The following CHCT1 variants were observed in gnomAD, a reference collection of about 807,000 sequenced individuals.
CHCT1 encodes the protein CHD1 helical C-terminal domain containing protein 1.
At chr17:60,422,113 T>C in the CHCT1 span, 33 of 288,904 alleles carry the variant, frequency 1.1e-4, no homozygotes, top group African/African-American at 7.4e-4. Flanking sequence ...CCCTTTCAGC[T>C]CTCCCTAGAC....
the CHCT1 span, chr17:60,425,706 T>G: frequency 9.1e-7 from 1 of 1,097,438 alleles, no homozygotes; most frequent in Non-Finnish European, 1.4e-6. Context: ...GGCTGCCATT[T>G]GGGTCAGTCC....
the CHCT1 span, chr17:60,426,675 C>A: frequency 1.3e-6 from 2 of 1,579,924 alleles, no homozygotes; most frequent in Non-Finnish European, 8.6e-7. Flanking sequence ...AGGGAGGAAG[C>A]GCTGTGCTCC....
the CHCT1 span, chr17:60,426,228 A>G: frequency 3.2e-6 from 5 of 1,551,770 alleles, no homozygotes; most frequent in African/African-American, 6.8e-5. Flanking sequence ...GACCTTCCCC[A>G]GAAGAAGAAG....
chr17:60,429,388 G>A, the CHCT1 span: 36 of 1,613,986 alleles, frequency 2.2e-5, no homozygotes, highest in African/African-American at 1.7e-4. Context: ...CGGATGCGCC[G>A]GAGAGGTCCT....
the CHCT1 span, among the ~76,000 whole-genome samples, chr17:60,424,348 TG>T: frequency 1.3e-5 from 2 of 152,066 alleles, no homozygotes; most frequent in Non-Finnish European, 2.9e-5. Flanking sequence ...GCCAAGTGAG[TG>T]AGTAAATGAA....
At chr17:60,422,462 C>G in the CHCT1 span, 96 of 1,521,746 alleles carry the variant, frequency 6.3e-5, no homozygotes, top group African/African-American at 1.1e-3. Context: ...TGGCGGTTGC[C>G]GTGGCTTTGC....
At chr17:60,425,654 A>G in the CHCT1 span, 1 of 649,486 alleles carries the variant, frequency 1.5e-6, no homozygotes, top group Admixed American at 2.7e-5. Context: ...ACTCACATCC[A>G]TGCTGGGTCA....
At chr17:60,428,489 T>C in the CHCT1 span, among the ~76,000 whole-genome samples, 1 of 151,694 alleles carries the variant, frequency 6.6e-6, no homozygotes, top group African/African-American at 2.4e-5. Context: ...GCCTGAATTT[T>C]TTTTTTTTTT....
chr17:60,427,261 G>C, the CHCT1 span, among the ~76,000 whole-genome samples: 1 of 152,120 alleles, frequency 6.6e-6, no homozygotes, highest in Non-Finnish European at 1.5e-5. Context: ...CAAATTATGG[G>C]GTGGTTATTT....
chr17:60,426,841 G>A, the CHCT1 span: 16 of 1,569,846 alleles, frequency 1.0e-5, no homozygotes, highest in Admixed American at 3.7e-5. Context: ...CATTCCGCCC[G>A]AGCACAGCTG....
At chr17:60,426,096 C>T in the CHCT1 span, 1 of 1,499,644 alleles carries the variant, frequency 6.7e-7, no homozygotes. Flanking sequence ...TGCTGGATAC[C>T]TGGGACTGCC....
chr17:60,425,730 C>T, the CHCT1 span: 10 of 1,374,004 alleles, frequency 7.3e-6, no homozygotes, highest in South Asian at 3.7e-5. Context: ...CCAGCACTGC[C>T]CCCAGGAGTA....
the CHCT1 span, among the ~76,000 whole-genome samples, chr17:60,427,503 C>T: frequency 1.3e-5 from 2 of 152,120 alleles, no homozygotes; most frequent in African/African-American, 2.4e-5. Context: ...CTGCAACCTC[C>T]GCCTCCTGGG....
chr17:60,422,404 C>A, the CHCT1 span: 9 of 1,428,424 alleles, frequency 6.3e-6, no homozygotes, highest in Non-Finnish European at 7.5e-6. Context: ...CTGCAGCCAC[C>A]CCTAAGAATG....
chr17:60,431,278 G>T, the CHCT1 span: 5 of 1,579,714 alleles, frequency 3.2e-6, no homozygotes, highest in Non-Finnish European at 1.7e-6. Context: ...AAGACCAACT[G>T]GGACAAAGGG....
the CHCT1 span, chr17:60,422,426 G>C: frequency 1.4e-6 from 2 of 1,475,740 alleles, no homozygotes; most frequent in South Asian, 1.3e-5. Flanking sequence ...GGAAATGGGA[G>C]CGGGGTGGGG....
the CHCT1 span, chr17:60,425,812 C>A: frequency 5.8e-6 from 9 of 1,551,692 alleles, no homozygotes; most frequent in South Asian, 1.1e-4. Context: ...TGGAGACAAG[C>A]TCCAGCGCCA....
the CHCT1 span, among the ~76,000 whole-genome samples, chr17:60,424,734 G>A: frequency 1.3e-5 from 2 of 152,046 alleles, no homozygotes; most frequent in Non-Finnish European, 2.9e-5. Flanking sequence ...TTAGCCAGGC[G>A]TTGTGGTGCA....
chr17:60,429,405 C>A, the CHCT1 span: 1 of 1,614,168 alleles, frequency 6.2e-7, no homozygotes, highest in Non-Finnish European at 8.5e-7. Flanking sequence ...TCCTTGCTGG[C>A]CGACCGGGAA....
Sources: gnomAD v4.1 joint callset for allele counts (sites outside exome capture counted in the v4.1 genomes callset) on GRCh38, gnomAD v4.1.1 for gene constraint, MANE v1.5 for transcripts, NCBI Gene and HGNC (gene_info 2026-07-23, HGNC 2026-07-21) for gene names.